PRDM16: variants seen among roughly 807,000 people sequenced by gnomAD.
PRDM16 encodes the protein PR/SET domain 16.
Under a neutral mutation model 110.6 loss-of-function variants are expected in PRDM16, and 23 were observed. The observed-to-expected ratio is 0.21, with a 90% CI of 0.15 to 0.29. The LOEUF (loss-of-function observed/expected upper bound fraction) is 0.29, where lower values mean the gene tolerates loss of function less well. Among genes scored for constraint, PRDM16 ranks in the 10% least tolerant of loss-of-function variants. The pLI is 1.00. For missense variants in PRDM16, 1,615 were observed against 1,794.3 expected (o/e 0.90, Z 1.81); for synonymous variants, 799 against 781.8 (o/e 1.02, Z -0.37).
chr1:3,188,997 C>T (rs907768651), intron 2 of PRDM16, among the ~76,000 whole-genome samples: 14 of 152,212 alleles, frequency 9.2e-5, no homozygotes, highest in African/African-American at 2.9e-4. Context: ...TCCACCTGTC[C>T]CGAAAGAGCT....
intron 3 of PRDM16, among the ~76,000 whole-genome samples, chr1:3,278,643 G>A (rs1345394697): frequency 1.3e-5 from 2 of 152,194 alleles, no homozygotes; most frequent in Non-Finnish European, 1.5e-5. Context: ...AGGACACCCG[G>A]CAGCCACAAG....
At chr1:3,101,320 G>T (rs1401836352) in intron 1 of PRDM16, among the ~76,000 whole-genome samples, 1 of 152,228 alleles carries the variant, frequency 6.6e-6, no homozygotes, top group Non-Finnish European at 1.5e-5. Flanking sequence ...GCAGTGCATT[G>T]TCTAGGGGAG....
intron 1 of PRDM16, among the ~76,000 whole-genome samples, chr1:3,126,572 C>A (rs1643213649): frequency 6.6e-6 from 1 of 152,168 alleles, no homozygotes; most frequent in African/African-American, 2.4e-5. Flanking sequence ...GGCCTGTACC[C>A]AATCCCAAGC....
Position 3,152,396 on chromosome 1 carries a change from C to T in PRDM16, c.38-33729C>T, listed in dbSNP as rs61759162. Among the ~76,000 whole-genome samples the T allele has an allele frequency of 8.4e-3, 952 of 112,988 alleles. 13 individuals carry two copies. Among genetic ancestry groups the T allele is most frequent in the African/African-American group, 0.058 (908 of 15,728 alleles). 74.1% of individuals were successfully genotyped at this position (112,988 alleles called of 152,430 possible). On this transcript the variant is annotated intron_variant, in intron 1 of 16. Transcript: ENST00000270722. ...TCCATCCATCCATTTATCCATCCAT[C>T]CATCCATTTATCCATCCATCCATCC... is the stretch of plus-strand genomic sequence containing the variant.
chr1:3,183,475 C>T (rs1319410236), intron 1 of PRDM16, among the ~76,000 whole-genome samples: 1 of 152,228 alleles, frequency 6.6e-6, no homozygotes, highest in Non-Finnish European at 1.5e-5. Context: ...TAGCCCTCCT[C>T]TCACCCACCC....
chr1:3,200,481 T>C (rs1638593653), intron 2 of PRDM16, among the ~76,000 whole-genome samples: 1 of 152,210 alleles, frequency 6.6e-6, no homozygotes, highest in Non-Finnish European at 1.5e-5. Flanking sequence ...TAGCTGGGAC[T>C]ACAGGCGCCC....
chr1:3,378,835 T>C (rs1557642089), intron 3 of PRDM16, among the ~76,000 whole-genome samples: 1 of 152,032 alleles, frequency 6.6e-6, no homozygotes, highest in Non-Finnish European at 1.5e-5. Flanking sequence ...CAGGAGCATT[T>C]CTCTGATCTG....
intron 1 of PRDM16, among the ~76,000 whole-genome samples, chr1:3,099,231 C>T (rs1642476965): frequency 6.6e-6 from 1 of 152,220 alleles, no homozygotes; most frequent in African/African-American, 2.4e-5. Context: ...CCCGTCTGAC[C>T]AACCCAGTTC....
intron 3 of PRDM16, among the ~76,000 whole-genome samples, chr1:3,378,436 C>T (rs113806846): frequency 4.6e-5 from 7 of 152,260 alleles, no homozygotes; most frequent in African/African-American, 1.7e-4. Flanking sequence ...CAGAACAGGG[C>T]TCGGGGACCC....
intron 1 of PRDM16, among the ~76,000 whole-genome samples, chr1:3,129,317 T>C (rs1643283850): frequency 1.6e-5 from 1 of 64,362 alleles, no homozygotes; most frequent in South Asian, 4.9e-4. Flanking sequence ...CTGCCTGGTG[T>C]GTGTGTGGGT....
chr1:3,181,088 CCTTACACA>C (rs1644156491), intron 1 of PRDM16, among the ~76,000 whole-genome samples: 3 of 66,842 alleles, frequency 4.5e-5, no homozygotes, highest in East Asian at 9.2e-4. Flanking sequence ...TTACACACGG[CCTTACACA>C]CGCAGTCTTA....
rs1641680162 is a variant in PRDM16 at position 3,069,309 on chromosome 1, C to T, written c.37+13C>T. 1.4e-6 allele frequency: 2 copies of T among 1,390,510 alleles called. No individual in the cohort carries two copies. Among genetic ancestry groups the T allele is most frequent in the Admixed American group, 2.2e-5 (1 of 44,922 alleles). The allele number at this position is 1,390,510 out of a possible 1,614,324, so 86.1% of individuals were successfully genotyped here. On this transcript the variant is annotated intron_variant, in intron 1 of 16. Transcript: ENST00000270722. This position sits in a 1 kb window ranked among gnomAD's most constrained non-coding sequence, Gnocchi z 6.1. ...AAGCTAGCCAAAAGTAAGTCTCCCGCGCTCGGCCGCGCCGCGCCGCCGGGG... is the reference window on the plus strand; with the variant it reads ...AAGCTAGCCAAAAGTAAGTCTCCCGTGCTCGGCCGCGCCGCGCCGCCGGGG...
chr1:3,073,626 C>T (rs1039636901), intron 1 of PRDM16, among the ~76,000 whole-genome samples: 4 of 152,084 alleles, frequency 2.6e-5, no homozygotes, highest in African/African-American at 9.7e-5. Flanking sequence ...AGAATCGAGC[C>T]ACCGAGGGCT....
intron 1 of PRDM16, among the ~76,000 whole-genome samples, chr1:3,150,986 G>A (rs530307597): frequency 1.0e-5 from 1 of 97,132 alleles, no homozygotes; most frequent in African/African-American, 3.9e-5. Context: ...CTATGGAAAC[G>A]GGGGGCTGGT....
chr1:3,273,396 G>C (rs1293025538), intron 3 of PRDM16, among the ~76,000 whole-genome samples: 2 of 152,176 alleles, frequency 1.3e-5, no homozygotes, highest in African/African-American at 4.8e-5. Context: ...GGCATACTCT[G>C]ATCTGTGTGT....
chr1:3,094,877 C>G (rs559602263), intron 1 of PRDM16, among the ~76,000 whole-genome samples: 3 of 146,478 alleles, frequency 2.0e-5, no homozygotes, highest in Non-Finnish European at 4.5e-5. Flanking sequence ...GCATGAGTGC[C>G]AGGTGTGTCT....
At chr1:3,431,460 G>A (rs905042653) in intron 15 of PRDM16, among the ~76,000 whole-genome samples, 16 of 152,244 alleles carry the variant, frequency 1.1e-4, no homozygotes, top group Non-Finnish European at 1.6e-4. Flanking sequence ...GTGGGCACAC[G>A]GGGGCCAAGC....
chr1:3,414,439 A>T (rs559082490), intron 9 of PRDM16, 121 bp from the exon 10 acceptor site: 1 of 721,476 alleles, frequency 1.4e-6, no homozygotes, highest in South Asian at 1.7e-5. Context: ...GGCGAGGTCC[A>T]CACCATGGCC....
chr1:3,423,071 T>C (rs2100686754), intron 12 of PRDM16, among the ~76,000 whole-genome samples: 1 of 152,336 alleles, frequency 6.6e-6, no homozygotes. Flanking sequence ...CGGCAAAGGT[T>C]GGAAGGTTCA....
Sources: gnomAD v4.1 joint callset for allele counts (sites outside exome capture counted in the v4.1 genomes callset) on GRCh38, gnomAD v4.1.1 for gene constraint, Gnocchi (gnomAD v3.1) non-coding constraint, MANE v1.5 for transcripts, NCBI Gene and HGNC (gene_info 2026-07-23, HGNC 2026-07-21) for gene names.